Variants in RFC3 observed in about 807,000 individuals in gnomAD.
RFC3 encodes the protein A1 38 kDa subunit.
Under a neutral mutation model 45.1 loss-of-function variants are expected in RFC3, and 41 were observed. That is an observed-to-expected ratio of 0.91 (90% CI 0.71 to 1.18). The LOEUF (loss-of-function observed/expected upper bound fraction) is 1.18, where lower values mean the gene tolerates loss of function less well. Ranked by LOEUF, RFC3 falls within the 50% of genes most tolerant of loss-of-function variation. RFC3 has a pLI of 0.00. For synonymous variants in RFC3, 149 were observed against 144.0 expected (o/e 1.03, Z -0.25); for missense variants, 423 against 428.1 (o/e 0.99, Z 0.10).
chr13:33,954,692 T>G (rs183124143), intron 8 of RFC3, among the ~76,000 whole-genome samples: 257 of 152,274 alleles, frequency 1.7e-3, no homozygotes, highest in African/African-American at 5.7e-3. Context: ...TAGACAGCCA[T>G]CTTCTGGTTG....
chr13:33,888,932 G>C (rs188195181), intron 8 of RFC3, among the ~76,000 whole-genome samples: 15 of 152,178 alleles, frequency 9.9e-5, no homozygotes, highest in African/African-American at 4.8e-5. Context: ...TTTTAGTAGA[G>C]ACGGGGTTTC....
At chr13:33,972,363 G>GGTA in the RFC3 span, among the ~76,000 whole-genome samples, 1 of 152,120 alleles carries the variant, frequency 6.6e-6, no homozygotes, top group Non-Finnish European at 1.5e-5. Context: ...CTGGGTTGGT[G>GGTA]CTGAAATCCA....
At chr13:33,933,292 T>C (rs922434199) in intron 8 of RFC3, among the ~76,000 whole-genome samples, 12 of 152,156 alleles carry the variant, frequency 7.9e-5, no homozygotes, top group Non-Finnish European at 1.6e-4. Flanking sequence ...ACAAAGAATG[T>C]GCAATAACCA....
intron 8 of RFC3, among the ~76,000 whole-genome samples, chr13:33,886,863 C>A (rs1456588934): frequency 1.3e-5 from 2 of 148,220 alleles, no homozygotes; most frequent in East Asian, 4.0e-4. Flanking sequence ...CAGTTCCTAC[C>A]TATGAGTGAG....
At chr13:33,957,925 G>A (rs2083031983) in intron 8 of RFC3, among the ~76,000 whole-genome samples, 1 of 152,152 alleles carries the variant, frequency 6.6e-6, no homozygotes, top group Non-Finnish European at 1.5e-5. Flanking sequence ...ATACTCTGCT[G>A]TAGGAAATTA....
At chr13:33,890,194 C>G (rs2137631308) in intron 8 of RFC3, among the ~76,000 whole-genome samples, 1 of 152,172 alleles carries the variant, frequency 6.6e-6, no homozygotes, top group Non-Finnish European at 1.5e-5. Flanking sequence ...GACTTGAGGC[C>G]TGCATAACCC....
At chr13:33,861,225 T>TA (rs1452488180) in intron 8 of RFC3, among the ~76,000 whole-genome samples, 1 of 152,248 alleles carries the variant, frequency 6.6e-6, no homozygotes, top group African/African-American at 2.4e-5. Flanking sequence ...CAAGATTTCT[T>TA]AGAGCATTGA....
intron 8 of RFC3, among the ~76,000 whole-genome samples, chr13:33,884,581 C>A (rs1346011581): frequency 6.6e-6 from 1 of 152,176 alleles, no homozygotes; most frequent in East Asian, 1.9e-4. Context: ...GTTCATAAAG[C>A]ATTTCTCCCA....
chr13:33,918,310 A>G (rs2082746156), intron 8 of RFC3, among the ~76,000 whole-genome samples: 1 of 152,152 alleles, frequency 6.6e-6, no homozygotes, highest in Admixed American at 6.6e-5. Context: ...GACCTCAGCA[A>G]CTGGAGTACC....
At chr13:33,910,983 A>T (rs1351978479) in intron 8 of RFC3, among the ~76,000 whole-genome samples, 1 of 152,040 alleles carries the variant, frequency 6.6e-6, no homozygotes, top group African/African-American at 2.4e-5. Flanking sequence ...CCCATGATCC[A>T]ATCACCTCTC....
chr13:33,909,242 T>C (rs1042410914), intron 8 of RFC3, among the ~76,000 whole-genome samples: 1 of 152,044 alleles, frequency 6.6e-6, no homozygotes, highest in Non-Finnish European at 1.5e-5. Flanking sequence ...GGAAGAGATA[T>C]TTTAAATTTC....
At chr13:33,851,874 A>G (rs1172258235) in intron 8 of RFC3, among the ~76,000 whole-genome samples, 1 of 152,256 alleles carries the variant, frequency 6.6e-6, no homozygotes, top group Non-Finnish European at 1.5e-5. Context: ...AGACATTTAA[A>G]TAACAGACCT....
intron 8 of RFC3, among the ~76,000 whole-genome samples, chr13:33,914,240 C>A (rs1164574140): frequency 6.6e-6 from 1 of 152,070 alleles, no homozygotes; most frequent in Non-Finnish European, 1.5e-5. Context: ...AAAATGGAAC[C>A]ACTCATTGTG....
intron 8 of RFC3, among the ~76,000 whole-genome samples, chr13:33,856,210 T>C (rs1221921714): frequency 6.6e-6 from 1 of 152,182 alleles, no homozygotes; most frequent in African/African-American, 2.4e-5. Flanking sequence ...CAGGAGGCCA[T>C]TTTCTTTAGC....
chr13:33,872,336 A>G (rs962887052), intron 8 of RFC3, among the ~76,000 whole-genome samples: 1 of 152,230 alleles, frequency 6.6e-6, no homozygotes, highest in Admixed American at 6.5e-5. Flanking sequence ...TCACTCTTGG[A>G]ATTTAATTCT....
intron 8 of RFC3, among the ~76,000 whole-genome samples, chr13:33,895,278 A>G (rs1157405653): frequency 2.0e-5 from 3 of 152,220 alleles, no homozygotes; most frequent in African/African-American, 4.8e-5. Context: ...TCCAAAATCT[A>G]TAAGAAACTC....
chr13:33,829,992 G>C lies in RFC3; in HGVS notation c.548G>C (p.Arg183Pro). The change falls in exon 5 of 9, where the codon CGT (arginine) becomes CCT (proline). Residue 183 changes from arginine to proline, a missense_variant. Transcript: ENST00000380071. Reference protein sequence around the residue: ...PPIRSRCLAVRVPAPSIEDIC... With the variant: ...PPIRSRCLAVPVPAPSIEDIC... ...ATTCGTAGTAGGTGCTTGGCGGTTCGTGTGCCTGCTCCCAGCATTGAAGAT... is the reference window on the plus strand; with the variant it reads ...ATTCGTAGTAGGTGCTTGGCGGTTCCTGTGCCTGCTCCCAGCATTGAAGAT... The C allele has an allele frequency of 6.2e-7, 1 of 1,613,950 alleles. No individual in the cohort carries two copies. The highest frequency in any genetic ancestry group is 8.5e-7 in the Non-Finnish European group (1 of 1,179,916).
At chr13:33,860,822 A>G (rs1241325258) in intron 8 of RFC3, among the ~76,000 whole-genome samples, 1 of 152,128 alleles carries the variant, frequency 6.6e-6, no homozygotes, top group African/African-American at 2.4e-5. Flanking sequence ...ATTTTCATAA[A>G]ACCAGCAAGT....
intron 8 of RFC3, among the ~76,000 whole-genome samples, chr13:33,936,553 A>C (rs944738723): frequency 6.6e-6 from 1 of 152,176 alleles, no homozygotes; most frequent in Non-Finnish European, 1.5e-5. Context: ...AAATTTGTCC[A>C]TAGAGTTGGA....
Sources: gnomAD v4.1 joint callset for allele counts (sites outside exome capture counted in the v4.1 genomes callset) on GRCh38, gnomAD v4.1.1 for gene constraint, MANE v1.5 for transcripts, NCBI Gene and HGNC (gene_info 2026-07-23, HGNC 2026-07-21) for gene names.